The following ANKS3 variants were observed in gnomAD, a reference collection of about 807,000 sequenced individuals.
ANKS3 encodes the protein ankyrin repeat and SAM domain-containing protein 3.
In ANKS3, 62 loss-of-function variants were observed where a neutral mutation model predicts 80.7. The ratio of observed to expected loss-of-function variants is 0.77; its 90% CI spans 0.63 to 0.95. The LOEUF (loss-of-function observed/expected upper bound fraction) is 0.95, where lower values mean the gene tolerates loss of function less well. Among genes scored for constraint, ANKS3 ranks in the 40% least tolerant of loss-of-function variants. ANKS3 has a pLI of 0.00. For missense variants in ANKS3, 1,150 were observed against 883.6 expected, an observed-to-expected ratio of 1.30 and a Z score of -3.82; for synonymous variants, 489 against 355.3, an observed-to-expected ratio of 1.38 and a Z score of -4.23.
rs192414100 is a variant in ANKS3 at position 4,732,596 on chromosome 16, C to T, written c.-70-1017G>A. 1.6e-3 allele frequency among the ~76,000 whole-genome samples: 235 copies of T among 149,548 alleles called. 1 individual carries two copies. Among genetic ancestry groups the T allele is most frequent in the African/African-American group, 5.5e-3 (223 of 40,668 alleles). ...ACTCAGGAGGCTGAGGCAAGAGAAT[C>T]GCTTGAGCCTGGGAGGCGATTGCAG... is the stretch of plus-strand genomic sequence containing the variant. On this transcript the variant is annotated intron_variant, in intron 1 of 17. Coordinates refer to ENST00000304283, the MANE Select transcript of ANKS3 (RefSeq NM_133450.4).
intron 15 of ANKS3, among the ~76,000 whole-genome samples, chr16:4,697,747 G>A (rs1045040660): frequency 1.2e-4 from 19 of 152,200 alleles, no homozygotes; most frequent in Admixed American, 8.5e-4. Flanking sequence ...GGCCTTTCTC[G>A]AGTACCTCCT....
intron 9 of ANKS3, chr16:4,701,819 A>T (rs552598830): frequency 2.0e-6 from 1 of 504,378 alleles, no homozygotes; most frequent in Non-Finnish European, 3.5e-6. Flanking sequence ...AGGTGCAGTT[A>T]TAACAGACAT....
rs972871727 is a variant in ANKS3, at chr16:4,706,450, T to A, written c.710-1197A>T. Among the ~76,000 whole-genome samples, 4 of 152,296 alleles carry A rather than the reference T, an allele frequency of 2.6e-5. No individual in the cohort carries two copies. The East Asian group carries it at 7.7e-4, about 29-fold the overall frequency. ...CGGGGTTTCACCATGTTGGCCAGGC[T>A]GGTCTCGATCTCCTGACCTTGTGAT... On this transcript the variant is annotated intron_variant, in intron 7 of 17. Coordinates refer to ENST00000304283, the MANE Select transcript of ANKS3 (RefSeq NM_133450.4).
chr16:4,714,117 T>C lies in ANKS3; in HGVS notation c.643A>G (p.Met215Val), dbSNP rs759083239. The C allele has an allele frequency of 1.2e-6, 2 of 1,614,200 alleles. No individual in the cohort carries two copies. The highest frequency in any genetic ancestry group is 8.5e-7 in the Non-Finnish European group (1 of 1,180,038). Residue 215 changes from methionine (M) to valine (V), a missense_variant, in exon 7 of 18, where the codon ATG (methionine) becomes GTG (valine). Transcript: ENST00000304283. ...ARMLAKQYGH[M>V]KIVALMDTYS... is the part of the protein sequence containing the mutation. ...GTGTCCATCAAGGCCACGATCTTCA[T>C]GTGTCCGTACTGCTTGGCCAGCATC...
chr16:4,732,758 G>A (rs1283935292), intron 1 of ANKS3, among the ~76,000 whole-genome samples: 1 of 150,014 alleles, frequency 6.7e-6, no homozygotes, highest in African/African-American at 2.5e-5. Context: ...AGTAGCATTA[G>A]AGATAAGACG....
At chr16:4,699,345 T>C in intron 11 of ANKS3, 169 bp from the exon 12 acceptor site, 1 of 912,626 alleles carries the variant, frequency 1.1e-6, no homozygotes, top group Non-Finnish European at 1.6e-6. Flanking sequence ...CAGGGCAGGA[T>C]GTTGCAGGCA....
chr16:4,707,133 G>A (rs1027374749), intron 7 of ANKS3, among the ~76,000 whole-genome samples: 28 of 152,142 alleles, frequency 1.8e-4, no homozygotes, highest in African/African-American at 5.1e-4. Flanking sequence ...GCAAGGGAAC[G>A]GCAGCTGCGT....
chr16:4,697,291 A>C, intron 16 of ANKS3, 42 bp downstream of exon 16: 1 of 1,570,458 alleles, frequency 6.4e-7, no homozygotes, highest in Non-Finnish European at 8.7e-7. Context: ...CCTCCCTCGG[A>C]AACAAAAGGA....
At chr16:4,701,803 G>A (rs149783445) in intron 9 of ANKS3, 9,277 of 502,704 alleles carry the variant, frequency 0.018, 122 homozygotes, top group South Asian at 0.032. Context: ...AACAGCTGCT[G>A]CACGGAGGTG....
chr16:4,705,302 T>A (rs767395486), intron 7 of ANKS3, 49 bp from the exon 8 acceptor site: 1 of 1,583,486 alleles, frequency 6.3e-7, no homozygotes, highest in East Asian at 2.3e-5. Flanking sequence ...AATGGACTCA[T>A]TTACTAATCC....
intron 7 of ANKS3, among the ~76,000 whole-genome samples, chr16:4,710,049 A>C (rs959362321): frequency 6.6e-6 from 1 of 152,146 alleles, no homozygotes; most frequent in Non-Finnish European, 1.5e-5. Context: ...ACATGACTAC[A>C]TGATGTCACC....
At chr16:4,719,640 CAA>C (rs1243469672) in intron 6 of ANKS3, among the ~76,000 whole-genome samples, 1 of 139,564 alleles carries the variant, frequency 7.2e-6, no homozygotes. Context: ...TTTGTCTCTA[CAA>C]AAAAAAAACA....
chr16:4,720,062 T>C (rs2081007238), intron 6 of ANKS3, among the ~76,000 whole-genome samples: 1 of 145,202 alleles, frequency 6.9e-6, no homozygotes, highest in Non-Finnish European at 1.5e-5. Flanking sequence ...CTCGGGAGGC[T>C]GAGCCAGGCG....
At chr16:4,703,097 C>T (rs1415110455) in intron 8 of ANKS3, among the ~76,000 whole-genome samples, 1 of 152,220 alleles carries the variant, frequency 6.6e-6, no homozygotes, top group Non-Finnish European at 1.5e-5. Flanking sequence ...CTAATCAGCA[C>T]ATGCTATTTA....
intron 3 of ANKS3, chr16:4,728,095 G>C (rs1567451289): frequency 6.6e-6 from 1 of 152,184 alleles, no homozygotes; most frequent in Non-Finnish European, 1.5e-5. Flanking sequence ...GCCCAGGCTG[G>C]AGTGCAGTGG....
In ANKS3 at chr16:4,707,587, A is replaced by G. The variant is rs149953262; in HGVS notation, c.710-2334T>C. 3.1e-3 allele frequency among the ~76,000 whole-genome samples: 467 copies of G among 152,218 alleles called. 4 individuals are homozygous for G. Among genetic ancestry groups the G allele is most frequent in the African/African-American group, 0.011 (450 of 41,548 alleles). ...ATGGGCCATGCCCAGCCAGAAGGAC[A>G]CTTCTAATACTAAAAGCCATAATTC... On this transcript the variant is annotated intron_variant, in intron 7 of 17. Transcript: ENST00000304283.
chr16:4,723,483 C>T (rs890676282), intron 6 of ANKS3, among the ~76,000 whole-genome samples: 34 of 152,098 alleles, frequency 2.2e-4, no homozygotes, highest in African/African-American at 3.4e-4. Context: ...AGTGTGGCGG[C>T]GCAATCATAG....
rs774702473 is a variant in ANKS3 at position 4,705,177 on chromosome 16, A to G, written c.786T>C (p.Gly262=). The stretch of plus-strand genomic sequence containing the variant: ...CTCGCGGTCCCTCGTGGATGCTGAC[A>G]CCCTTCTTCCGGCAAGGCCTCTGTC... The part of the protein sequence containing the change: ...PQRQRPCRKK[G]VSIHEGPRAL... The change falls in exon 8 of 18, where the codon GGT becomes GGC. Residue 262 remains glycine, a synonymous_variant. Transcript: ENST00000304283. 5 of 1,613,766 alleles carry G rather than the reference A, an allele frequency of 3.1e-6. No individual in the cohort carries two copies. The Admixed American group carries it at 5.0e-5, about 16-fold the overall frequency.
At chr16:4,714,946 C>G (rs1218115714) in intron 6 of ANKS3, among the ~76,000 whole-genome samples, 2 of 122,428 alleles carry the variant, frequency 1.6e-5, no homozygotes, top group African/African-American at 6.2e-5. Flanking sequence ...GAGCTGAGAT[C>G]ATGCCACTGC....
Sources: allele counts gnomAD v4.1 joint callset (sites outside exome capture counted in the v4.1 genomes callset), GRCh38; gene constraint gnomAD v4.1.1; transcripts MANE v1.5; gene names NCBI Gene and HGNC (gene_info 2026-07-23, HGNC 2026-07-21).